The following MOSPD2 variants were observed in gnomAD, a reference collection of about 807,000 sequenced individuals.
The protein encoded by MOSPD2 is motile sperm domain-containing protein 2.
MOSPD2 carries 5 observed loss-of-function variants against 41.7 expected under a neutral mutation model. The ratio of observed to expected loss-of-function variants is 0.12; its 90% CI spans 0.06 to 0.25. MOSPD2 has a LOEUF of 0.25. Ranked by LOEUF, MOSPD2 falls within the 10% of genes least tolerant of loss-of-function variation. The probability of loss-of-function intolerance (pLI) is 1.00; values close to 1 mark genes in which losing one functional copy is unlikely to be tolerated. For missense variants in MOSPD2, 282 were observed against 375.2 expected, an observed-to-expected ratio of 0.75 and a Z score of 2.05; for synonymous variants, 115 against 126.9, an observed-to-expected ratio of 0.91 and a Z score of 0.63.
chrX:14,903,247 G>A (rs940755579), intron 7 of MOSPD2, among the ~76,000 whole-genome samples: 4 of 110,557 alleles, frequency 3.6e-5, no homozygotes, highest in South Asian at 3.8e-4. Flanking sequence ...GGTGTTGCAC[G>A]GCTATAGTCC....
chrX:14,890,972 GAATA>G, intron 2 of MOSPD2, among the ~76,000 whole-genome samples: 1 of 111,965 alleles, frequency 8.9e-6, no homozygotes, highest in Non-Finnish European at 1.9e-5. Context: ...AAATGAGAAG[GAATA>G]GATTCCATCA....
Position 14,920,946 on chromosome X carries a change from C to T in MOSPD2, c.*1137C>T. The T allele has an allele frequency of 1.3e-6, 1 of 754,431 alleles. No individual in the cohort carries two copies. The allele number at this position is 754,431 out of a possible 1,213,427, so 62.2% of individuals were successfully genotyped here. A position where few individuals can be genotyped will look rare whatever the true frequency, so the allele number is the denominator to read the frequency against. On this transcript the variant is annotated 3_prime_UTR_variant, in exon 15 of 15. Transcript: ENST00000380492. The stretch of plus-strand genomic sequence containing the variant: ...CGTTTAAAGAATGAAAAATGTAACT[C>T]ATGATGATCTGTGAAACCTTCAAAC...
chrX:14,879,704 T>G (rs896080698), intron 2 of MOSPD2, among the ~76,000 whole-genome samples: 1 of 111,670 alleles, frequency 9.0e-6, no homozygotes, highest in Non-Finnish European at 1.9e-5. Context: ...AATAGGCACA[T>G]TGTTTCACAT....
intron 2 of MOSPD2, among the ~76,000 whole-genome samples, chrX:14,875,211 A>C (rs184147445): frequency 8.9e-6 from 1 of 112,546 alleles, no homozygotes; most frequent in Non-Finnish European, 1.9e-5. Context: ...ACTAGTGCTC[A>C]TGTCTTCTGA....
At chrX:14,897,946 C>T (rs1207302915) in intron 5 of MOSPD2, among the ~76,000 whole-genome samples, 1 of 112,206 alleles carries the variant, frequency 8.9e-6, no homozygotes, top group Non-Finnish European at 1.9e-5. Flanking sequence ...TAATCTGTGG[C>T]TAATTCTGAT....
At chrX:14,882,856 A>G (rs1388337740) in intron 2 of MOSPD2, among the ~76,000 whole-genome samples, 4 of 97,667 alleles carry the variant, frequency 4.1e-5, no homozygotes, top group Non-Finnish European at 6.1e-5. Context: ...CCTGTTCTTC[A>G]TATATCCTCA....
At chrX:14,910,931 T>TACACACACACAC (rs35768433) in intron 8 of MOSPD2, among the ~76,000 whole-genome samples, 1 of 100,638 alleles carries the variant, frequency 9.9e-6, no homozygotes, top group African/African-American at 3.6e-5. Flanking sequence ...TCTTTAAAAA[T>TACACACACACAC]ACACACACAC....
At chrX:14,902,308 ATCT>A (rs913988377) in intron 6 of MOSPD2, among the ~76,000 whole-genome samples, 1 of 111,565 alleles carries the variant, frequency 9.0e-6, no homozygotes, top group Non-Finnish European at 1.9e-5. Flanking sequence ...AATCTCAAAA[ATCT>A]TCTTTGCAGT....
At chrX:14,889,354 A>T (rs2092549239) in intron 2 of MOSPD2, among the ~76,000 whole-genome samples, 2 of 112,195 alleles carry the variant, frequency 1.8e-5, no homozygotes, top group African/African-American at 6.5e-5. Flanking sequence ...GTGTGAAAGC[A>T]ACAAATTGTG....
Position 14,922,067 on chromosome X carries a change from A to C in MOSPD2, c.*2258A>C, listed in dbSNP as rs2147508434. ...CTGGCCTCAAATTTCATACTACCAT[A>C]ACTGTTTTTATATATTGCCACTAAT... On this transcript the variant is annotated 3_prime_UTR_variant, in exon 15 of 15. Transcript: ENST00000380492. The C allele has an allele frequency of 9.0e-6, 1 of 111,402 alleles. No homozygotes were observed. Among genetic ancestry groups the C allele is most frequent in the Admixed American group, 9.6e-5 (1 of 10,426 alleles). 9.2% of individuals were successfully genotyped at this position (111,402 alleles called of 1,213,427 possible). A position where few individuals can be genotyped will look rare whatever the true frequency, so the allele number is the denominator to read the frequency against.
chrX:14,918,586 A>G (rs981055974), intron 13 of MOSPD2, 94 bp from the exon 14 acceptor site: 4 of 581,246 alleles, frequency 6.9e-6, no homozygotes, highest in African/African-American at 4.6e-5. Flanking sequence ...CCTCTGTTAC[A>G]TAGACTTCTG....
At chrX:14,878,121 C>G (rs1030947776) in intron 2 of MOSPD2, among the ~76,000 whole-genome samples, 4 of 112,149 alleles carry the variant, frequency 3.6e-5, no homozygotes, top group African/African-American at 1.3e-4. Context: ...AGATAGTTTT[C>G]TTATCTTTTG....
chrX:14,918,608 T>C, intron 13 of MOSPD2, 72 bp from the exon 14 acceptor site: 1 of 726,300 alleles, frequency 1.4e-6, no homozygotes, highest in East Asian at 3.6e-5. Context: ...GTATAACTGT[T>C]TTCATTTTAT....
Position 14,895,292 on chromosome X carries a change from G to A in MOSPD2, c.236-16G>A. The A allele has an allele frequency of 9.6e-7, 1 of 1,041,364 alleles. No individual in the cohort carries two copies. Among genetic ancestry groups the A allele is most frequent in the Non-Finnish European group, 1.3e-6 (1 of 746,664 alleles). The allele number at this position is 1,041,364 out of a possible 1,213,427, so 85.8% of individuals were successfully genotyped here. ...CCCTAAATTACAACTACTGATCAAA[G>A]CTTACCACTTTTTAGACCTTAATGA... On this transcript the variant is annotated splice_polypyrimidine_tract_variant and intron_variant, in intron 3 of 14. Coordinates refer to ENST00000380492, the MANE Select transcript of MOSPD2 (RefSeq NM_152581.4).
intron 14 of MOSPD2, among the ~76,000 whole-genome samples, chrX:14,919,298 A>G (rs908953960): frequency 2.7e-5 from 3 of 112,189 alleles, no homozygotes; most frequent in African/African-American, 9.7e-5. Context: ...GCAAAGCACA[A>G]GGTACTTTGG....
chrX:14,874,902 T>C (rs1418107183), intron 2 of MOSPD2, among the ~76,000 whole-genome samples: 1 of 112,270 alleles, frequency 8.9e-6, no homozygotes, highest in Admixed American at 9.4e-5. Context: ...TATAGCTGGT[T>C]CCAATAAAGA....
rs2092606706 is a variant in MOSPD2, at chrX:14,919,954, C to T, written c.*145C>T. On this transcript the variant is annotated 3_prime_UTR_variant, in exon 15 of 15. Transcript: ENST00000380492. ...TGCAGCACGTGGAGGGGAACACATA[C>T]ATGTCTTGAAAATAAACTGCTAGAA... 9.7e-7 allele frequency: 1 copy of T among 1,035,467 alleles called. No individual in the cohort carries two copies. Among genetic ancestry groups the T allele is most frequent in the Non-Finnish European group, 1.2e-6 (1 of 811,671 alleles). The allele number at this position is 1,035,467 out of a possible 1,213,427, so 85.3% of individuals were successfully genotyped here. A position where few individuals can be genotyped will look rare whatever the true frequency, so the allele number is the denominator to read the frequency against.
At chrX:14,905,305 T>C (rs1050168042) in intron 7 of MOSPD2, among the ~76,000 whole-genome samples, 16 of 110,537 alleles carry the variant, frequency 1.4e-4, no homozygotes, top group African/African-American at 4.9e-4. Context: ...AAGCCTTACA[T>C]AAATGAAAAG....
intron 2 of MOSPD2, among the ~76,000 whole-genome samples, chrX:14,889,031 G>C (rs1219922484): frequency 9.0e-6 from 1 of 111,606 alleles, no homozygotes; most frequent in Admixed American, 9.5e-5. Flanking sequence ...AGGCTGGGAA[G>C]TCTCCGATCA....
Sources: gnomAD v4.1 joint callset for allele counts (sites outside exome capture counted in the v4.1 genomes callset) on GRCh38, gnomAD v4.1.1 for gene constraint, MANE v1.5 for transcripts, NCBI Gene and HGNC (gene_info 2026-07-23, HGNC 2026-07-21) for gene names.